Variants in RBFOX1 observed in about 807,000 individuals in gnomAD.
RBFOX1 encodes RNA binding protein fox-1 homolog 1.
In RBFOX1, 8 loss-of-function variants were observed where a neutral mutation model predicts 57.7. The observed-to-expected ratio is 0.14, with a 90% CI of 0.08 to 0.25. The LOEUF (loss-of-function observed/expected upper bound fraction) is 0.25, where lower values mean the gene tolerates loss of function less well. Ranked by LOEUF, RBFOX1 falls within the 10% of genes least tolerant of loss-of-function variation. The pLI is 1.00. For missense variants in RBFOX1, 611 were observed against 548.5 expected (o/e 1.11, Z -1.14); for synonymous variants, 326 against 222.4 (o/e 1.47, Z -4.15).
At chr16:5,266,363 C>T (rs765151416) in intron 1 of RBFOX1, among the ~76,000 whole-genome samples, 2 of 152,042 alleles carry the variant, frequency 1.3e-5, no homozygotes, top group African/African-American at 2.4e-5. Flanking sequence ...TGCCTAATGT[C>T]CCCCGGGGGC....
chr16:5,969,806 AT>A lies in RBFOX1; in HGVS notation c.351+102480del, dbSNP rs549536987. Among the ~76,000 whole-genome samples the A allele has an allele frequency of 4.0e-5, 6 of 149,320 alleles. No homozygotes were observed. In the South Asian group the frequency reaches 6.4e-4, roughly 16 times the overall value. ...ATCACTTTTATTTGGACTTTGTTTC[AT>A]TTTTTTTTCTTTTGCTGCTGACTTC... On this transcript the variant is annotated intron_variant, in intron 4 of 19. Transcript: ENST00000641259.
chr16:5,854,931 G>T (rs759737648), intron 3 of RBFOX1, among the ~76,000 whole-genome samples: 7 of 152,150 alleles, frequency 4.6e-5, no homozygotes, highest in African/African-American at 7.2e-5. Flanking sequence ...CAAGTGTGAG[G>T]TGATACCTCA....
At chr16:6,567,256 G>T (rs568160155) in intron 2 of RBFOX1, among the ~76,000 whole-genome samples, 1 of 152,104 alleles carries the variant, frequency 6.6e-6, no homozygotes, top group Non-Finnish European at 1.5e-5. Context: ...ATTCAGATAC[G>T]GTATCTTATT....
intron 1 of RBFOX1, among the ~76,000 whole-genome samples, chr16:5,441,096 A>G (rs376837371): frequency 6.6e-6 from 1 of 152,310 alleles, no homozygotes; most frequent in African/African-American, 2.4e-5. Flanking sequence ...CAGACCTAGA[A>G]TAATGTGGTT....
intron 3 of RBFOX1, among the ~76,000 whole-genome samples, chr16:6,754,925 G>C (rs1382710172): frequency 1.3e-5 from 2 of 151,720 alleles, no homozygotes; most frequent in African/African-American, 2.4e-5. Context: ...TCATTGTTCA[G>C]TTCCCACCTA....
intron 3 of RBFOX1, among the ~76,000 whole-genome samples, chr16:6,937,944 A>C (rs2077652542): frequency 8.5e-6 from 1 of 117,228 alleles, no homozygotes; most frequent in Non-Finnish European, 1.6e-5. Flanking sequence ...CAACTTTGGA[A>C]TGCCCTGGCT....
intron 4 of RBFOX1, among the ~76,000 whole-genome samples, chr16:5,908,328 ATATATGTGTGTGTGTGTGTGTG>A (rs1205421839): frequency 7.1e-5 from 10 of 140,938 alleles, no homozygotes; most frequent in Non-Finnish European, 1.5e-4. Flanking sequence ...ACACACATAT[ATATATGTGTGTGTGTGTGTGTG>A]TGTCTGTGTG....
At chr16:6,771,488 C>T (rs141085086) in intron 3 of RBFOX1, among the ~76,000 whole-genome samples, 1,617 of 152,244 alleles carry the variant, frequency 0.011, 35 homozygotes, top group African/African-American at 0.037. Context: ...TTTCTGATGC[C>T]TAAGTCAGCA....
chr16:6,129,588 G>A (rs1169662693), intron 1 of RBFOX1, among the ~76,000 whole-genome samples: 1 of 151,380 alleles, frequency 6.6e-6, no homozygotes, highest in South Asian at 2.1e-4. Flanking sequence ...AGGAGAGAGA[G>A]AATAGGATAG....
intron 1 of RBFOX1, among the ~76,000 whole-genome samples, chr16:6,070,739 A>G (rs147672945): frequency 6.6e-6 from 1 of 152,072 alleles, no homozygotes; most frequent in African/African-American, 2.4e-5. Flanking sequence ...ATTGCAATTC[A>G]TAATAAATGT....
chr16:7,098,872 T>C (rs183981809), intron 4 of RBFOX1, among the ~76,000 whole-genome samples: 4 of 152,288 alleles, frequency 2.6e-5, no homozygotes, highest in Admixed American at 1.3e-4. Context: ...CCTTATCCTA[T>C]TTTTTGCAGT....
chr16:5,956,646 A>G (rs1323897512), intron 4 of RBFOX1, among the ~76,000 whole-genome samples: 1 of 105,402 alleles, frequency 9.5e-6, no homozygotes, highest in African/African-American at 3.7e-5. Context: ...ACAAATATAT[A>G]TATATATATA....
intron 4 of RBFOX1, among the ~76,000 whole-genome samples, chr16:7,098,980 T>A (rs1000547422): frequency 6.6e-6 from 1 of 152,154 alleles, no homozygotes; most frequent in African/African-American, 2.4e-5. Context: ...CATTGGTCTT[T>A]TTGATTGATG....
intron 2 of RBFOX1, among the ~76,000 whole-genome samples, chr16:5,534,677 T>G (rs2044626016): frequency 6.6e-6 from 1 of 152,116 alleles, no homozygotes; most frequent in Non-Finnish European, 1.5e-5. Context: ...ACACTGAGGG[T>G]GGGTCTTCCT....
intron 11 of RBFOX1, among the ~76,000 whole-genome samples, chr16:7,653,436 G>C (rs1418197472): frequency 1.3e-5 from 2 of 152,186 alleles, no homozygotes; most frequent in African/African-American, 4.8e-5. Flanking sequence ...AGCCCTGGAA[G>C]TCGAGGGTGC....
rs143145216 is a variant in RBFOX1, at chr16:6,876,401, A to C, written c.-15-175656A>C. Among the ~76,000 whole-genome samples, 161 of 146,632 alleles carry C rather than the reference A, an allele frequency of 1.1e-3. 1 individual carries two copies. Among genetic ancestry groups the C allele is most frequent in the East Asian group, 2.3e-3 (11 of 4,806 alleles). ...AACCCCTGAAATGAGCCTATGTTCTATGAAGTAAATTAGCTGAAACAAAGT... is the reference window on the plus strand; with the variant it reads ...AACCCCTGAAATGAGCCTATGTTCTCTGAAGTAAATTAGCTGAAACAAAGT... On this transcript the variant is annotated intron_variant, in intron 3 of 15. Transcript: ENST00000550418.
chr16:7,361,683 C>A (rs1274054452), intron 4 of RBFOX1, among the ~76,000 whole-genome samples: 1 of 152,180 alleles, frequency 6.6e-6, no homozygotes, highest in Non-Finnish European at 1.5e-5. Flanking sequence ...GAGCCACGTT[C>A]CTGCCTGGTA....
At position 6,325,533 on chromosome 16, in the gene RBFOX1, G is replaced by A. The variant is rs560886885; in HGVS notation, c.-64+8476G>A. Reference sequence around the variant, plus strand: ...GCTGAATCCCTTCATTTAAACTAAAGAGTAGCTCTGCTTGCTGTCTCAGCT... The same window carrying A: ...GCTGAATCCCTTCATTTAAACTAAAAAGTAGCTCTGCTTGCTGTCTCAGCT... On this transcript the variant is annotated intron_variant, in intron 2 of 15. Transcript: ENST00000550418. 2.0e-4 allele frequency among the ~76,000 whole-genome samples: 30 copies of A among 152,266 alleles called. No homozygotes were observed. In the South Asian group the frequency reaches 2.1e-3, roughly 11 times the overall value.
At chr16:7,025,939 G>T (rs1435238178) in intron 3 of RBFOX1, among the ~76,000 whole-genome samples, 1 of 152,214 alleles carries the variant, frequency 6.6e-6, no homozygotes, top group East Asian at 1.9e-4. Context: ...CTCCCACCTG[G>T]CCTGGAAAGA....
Sources: gnomAD v4.1 joint callset for allele counts (sites outside exome capture counted in the v4.1 genomes callset) on GRCh38, gnomAD v4.1.1 for gene constraint, MANE v1.5 for transcripts, NCBI Gene and HGNC (gene_info 2026-07-23, HGNC 2026-07-21) for gene names.